The following CCDC15 variants were observed in gnomAD, a reference collection of about 807,000 sequenced individuals.
CCDC15 encodes coiled-coil domain-containing protein 15.
CCDC15 carries 105 observed loss-of-function variants against 114.5 expected under a neutral mutation model. That is an observed-to-expected ratio of 0.92 (90% CI 0.78 to 1.08). The LOEUF (loss-of-function observed/expected upper bound fraction) is 1.08. Ranked by LOEUF, CCDC15 falls within the 50% of genes least tolerant of loss-of-function variation. CCDC15 has a pLI of 0.00. For missense variants in CCDC15, 1,105 were observed against 1,093.6 expected, an observed-to-expected ratio of 1.01 and a Z score of -0.15; for synonymous variants, 334 against 377.8, an observed-to-expected ratio of 0.88 and a Z score of 1.34.
chr11:125,040,892 A>G lies in CCDC15; in HGVS notation c.*181A>G, dbSNP rs1948812930. 9.7e-6 allele frequency: 6 copies of G among 616,502 alleles called. No homozygotes were observed. In the East Asian group the frequency reaches 1.7e-4, roughly 18 times the overall value. 38.2% of individuals were successfully genotyped at this position (616,502 alleles called of 1,614,324 possible). ...GTCTGGGAACCAAGATTGAAAGCTG[A>G]CTTACTTCTCTCTTCTGTCTTGTGA... On this transcript the variant is annotated 3_prime_UTR_variant, in exon 16 of 16. Transcript: ENST00000344762.
At chr11:124,958,563 T>C (rs916094182) in intron 2 of CCDC15, among the ~76,000 whole-genome samples, 1 of 152,090 alleles carries the variant, frequency 6.6e-6, no homozygotes, top group East Asian at 1.9e-4. Flanking sequence ...TAAAGGAGAA[T>C]TGAATACATA....
In CCDC15 at chr11:125,038,710, T is replaced by C; in HGVS notation, c.2585+106T>C. ...GAATTGACTGTGTCTTTTCATACTT[T>C]TCCTCATTTAGGAGTTCATAACTTC... On this transcript the variant is annotated intron_variant, in intron 14 of 15. Coordinates refer to ENST00000344762, the MANE Select transcript of CCDC15 (RefSeq NM_025004.3). 2.4e-6 allele frequency: 3 copies of C among 1,250,458 alleles called. No individual in the cohort carries two copies. In the South Asian group the frequency reaches 5.1e-5, roughly 21 times the overall value. 77.5% of individuals were successfully genotyped at this position (1,250,458 alleles called of 1,614,324 possible). A position where few individuals can be genotyped will look rare whatever the true frequency, so the allele number is the denominator to read the frequency against.
At chr11:124,959,756 T>C in intron 3 of CCDC15, 59 bp from the exon 4 acceptor site, 1 of 1,316,126 alleles carries the variant, frequency 7.6e-7, no homozygotes, top group Non-Finnish European at 1.0e-6. Flanking sequence ...TTAGAGGCAT[T>C]ATTTGATTGC....
intron 13 of CCDC15, among the ~76,000 whole-genome samples, chr11:125,011,239 A>ATTTTTTTT (rs1398467750): frequency 8.1e-5 from 11 of 135,134 alleles, no homozygotes; most frequent in South Asian, 2.4e-4. Flanking sequence ...TATTATTATT[A>ATTTTTTTT]TTATTATTAT....
intron 4 of CCDC15, among the ~76,000 whole-genome samples, chr11:124,962,691 C>T (rs574896951): frequency 6.6e-6 from 1 of 151,402 alleles, no homozygotes; most frequent in African/African-American, 2.4e-5. Flanking sequence ...GGTGCATGTG[C>T]ACAACGTGCA....
At chr11:125,028,660 T>C (rs888063838) in intron 13 of CCDC15, among the ~76,000 whole-genome samples, 6 of 152,234 alleles carry the variant, frequency 3.9e-5, no homozygotes, top group African/African-American at 7.2e-5. Context: ...CCTGAAACTT[T>C]ACTGAGTTCA....
At chr11:124,968,316 T>C (rs1426858325) in intron 4 of CCDC15, among the ~76,000 whole-genome samples, 1 of 152,180 alleles carries the variant, frequency 6.6e-6, no homozygotes, top group Non-Finnish European at 1.5e-5. Context: ...TCCACCCAGT[T>C]CGAGCTTCCT....
At position 125,005,483 on chromosome 11, in the gene CCDC15, G is replaced by A. The variant is rs560036532; in HGVS notation, c.2411+271G>A. ...AGTATACCCTCTGCCCCACAAATGC[G>A]TAGCCTCTCCTACTGTCACTATCCT... On this transcript the variant is annotated intron_variant, in intron 13 of 15. Coordinates refer to ENST00000344762, the MANE Select transcript of CCDC15 (RefSeq NM_025004.3). Among the ~76,000 whole-genome samples, 13 of 152,100 alleles carry A rather than the reference G, an allele frequency of 8.5e-5. No individual in the cohort carries two copies. The South Asian group carries it at 1.2e-3, about 15-fold the overall frequency.
intron 13 of CCDC15, among the ~76,000 whole-genome samples, chr11:125,011,984 A>G (rs1428499536): frequency 6.6e-6 from 1 of 152,102 alleles, no homozygotes; most frequent in Non-Finnish European, 1.5e-5. Flanking sequence ...GATACATGCT[A>G]TGGTTCAACT....
At chr11:125,007,394 G>T (rs1312098422) in intron 13 of CCDC15, among the ~76,000 whole-genome samples, 1 of 152,130 alleles carries the variant, frequency 6.6e-6, no homozygotes, top group African/African-American at 2.4e-5. Context: ...CATCTGTGTT[G>T]CAGCAAATGA....
At chr11:124,973,621 A>G (rs1947922871) in intron 4 of CCDC15, among the ~76,000 whole-genome samples, 1 of 151,770 alleles carries the variant, frequency 6.6e-6, no homozygotes, top group Non-Finnish European at 1.5e-5. Context: ...TAAAGCCATA[A>G]AATTTATTTT....
At chr11:125,002,905 A>C (rs1437436830) in intron 11 of CCDC15, among the ~76,000 whole-genome samples, 2 of 152,066 alleles carry the variant, frequency 1.3e-5, no homozygotes, top group Admixed American at 6.6e-5. Context: ...CAAGAATTTT[A>C]GGATCATCTT....
rs765772427 is a variant in CCDC15 at position 124,987,335 on chromosome 11, CTGAGCCAGAAGGCCAGGCCAT to C, written c.1126_1146del (p.Ala376_Gln382del). The C allele has an allele frequency of 1.1e-4, 181 of 1,613,666 alleles. No homozygotes were observed. Among genetic ancestry groups the C allele is most frequent in the Non-Finnish European group, 1.4e-4 (168 of 1,179,852 alleles). Reference sequence around the variant, plus strand: ...GCTGTTGAAATGAAGGTTCAGGTTACTGAGCCAGAAGGCCAGGCCATTGAGCCAGAAGGCCAGCCTATTAAG... The same window carrying C: ...GCTGTTGAAATGAAGGTTCAGGTTACTGAGCCAGAAGGCCAGCCTATTAAG... On this transcript the variant is annotated inframe_deletion, in exon 8 of 16. Coordinates refer to ENST00000344762, the MANE Select transcript of CCDC15 (RefSeq NM_025004.3).
At position 124,986,904 on chromosome 11, in the gene CCDC15, A is replaced by T; in HGVS notation, c.900+16A>T. 1 of 1,525,562 alleles carries T rather than the reference A, an allele frequency of 6.6e-7. No homozygotes were observed. Among genetic ancestry groups the T allele is most frequent in the Non-Finnish European group, 8.8e-7 (1 of 1,137,460 alleles). The allele number at this position is 1,525,562 out of a possible 1,614,324, so 94.5% of individuals were successfully genotyped here. A position where few individuals can be genotyped will look rare whatever the true frequency, so the allele number is the denominator to read the frequency against. On this transcript the variant is annotated intron_variant, in intron 7 of 15. Transcript: ENST00000344762. ...CAGAGTTCAGGTAAAGCAATAAGAG[A>T]AATTAAATTAATTGTGATTTGGACT...
intron 6 of CCDC15, among the ~76,000 whole-genome samples, chr11:124,978,648 C>T (rs1318606523): frequency 2.0e-5 from 3 of 152,072 alleles, no homozygotes; most frequent in Non-Finnish European, 4.4e-5. Context: ...ATATCCTTTG[C>T]CCTCTTTTAT....
chr11:124,955,301 G>C (rs1289845758), intron 2 of CCDC15, among the ~76,000 whole-genome samples: 2 of 152,150 alleles, frequency 1.3e-5, no homozygotes, highest in Non-Finnish European at 2.9e-5. Context: ...AACATTAATT[G>C]GTTGCTTAAG....
intron 1 of CCDC15, 113 bp from the exon 2 acceptor site, chr11:124,954,611 C>A: frequency 1.3e-6 from 1 of 794,848 alleles, no homozygotes; most frequent in Non-Finnish European, 2.0e-6. Flanking sequence ...TCATGCCAGG[C>A]TTCTGCCTCC....
intron 14 of CCDC15, 39 bp from the exon 15 acceptor site, chr11:125,038,882 T>C (rs1390050843): frequency 6.3e-7 from 1 of 1,586,338 alleles, no homozygotes; most frequent in African/African-American, 1.4e-5. Context: ...ACTTTCTTTT[T>C]AATAGTTCAC....
At chr11:125,019,941 TGG>T (rs58103041) in intron 13 of CCDC15, among the ~76,000 whole-genome samples, 150,127 of 151,908 alleles carry the variant, frequency 0.99, 74,201 homozygotes, top group East Asian at 1. Flanking sequence ...CATTTCTATG[TGG>T]GGGGGGGCAC....
Sources: allele counts gnomAD v4.1 joint callset (sites outside exome capture counted in the v4.1 genomes callset), GRCh38; gene constraint gnomAD v4.1.1; transcripts MANE v1.5; gene names NCBI Gene and HGNC (gene_info 2026-07-23, HGNC 2026-07-21).